The following PPP1R36 variants were observed in gnomAD, a reference collection of about 807,000 sequenced individuals.
PPP1R36 encodes the protein protein phosphatase 1 regulatory subunit 36, also known as chromosome 14 open reading frame 50.
Under a neutral mutation model 53.4 loss-of-function variants are expected in PPP1R36, and 47 were observed. That is an observed-to-expected ratio of 0.88 (90% CI 0.70 to 1.12). PPP1R36 has a LOEUF of 1.12. PPP1R36 is among the 50% of genes most tolerant of loss of function. The pLI is 0.00. For synonymous variants in PPP1R36, 153 were observed against 170.5 expected (o/e 0.90, Z 0.80); for missense variants, 456 against 513.9 (o/e 0.89, Z 1.09).
At chr14:64,557,736 G>A (rs1044896381) in intron 3 of PPP1R36, among the ~76,000 whole-genome samples, 1 of 152,222 alleles carries the variant, frequency 6.6e-6, no homozygotes, top group African/African-American at 2.4e-5. Context: ...AATGGGCTGG[G>A]GGCAGTGGCT....
At chr14:64,579,215 C>G (rs2080367167) in intron 8 of PPP1R36, among the ~76,000 whole-genome samples, 1 of 152,086 alleles carries the variant, frequency 6.6e-6, no homozygotes, top group Admixed American at 6.5e-5. Flanking sequence ...ACCCCCGTGA[C>G]TCGTGTTTAT....
intron 4 of PPP1R36, 131 bp from the exon 5 acceptor site, chr14:64,565,226 A>T: frequency 1.6e-6 from 1 of 631,482 alleles, no homozygotes; most frequent in South Asian, 2.2e-5. Context: ...ATGATCGTAC[A>T]TCAAACAAAA....
At chr14:64,577,076 A>G (rs1449681166) in intron 8 of PPP1R36, among the ~76,000 whole-genome samples, 2 of 152,216 alleles carry the variant, frequency 1.3e-5, no homozygotes, top group African/African-American at 4.8e-5. Flanking sequence ...TAAGATCAGT[A>G]TACCAGCATG....
intron 3 of PPP1R36, among the ~76,000 whole-genome samples, chr14:64,553,968 G>A: frequency 6.6e-6 from 1 of 151,910 alleles, no homozygotes. Flanking sequence ...GCTGCTCTGT[G>A]TTTAAGTAAC....
Position 64,556,215 on chromosome 14 carries a change from C to T in PPP1R36, c.182+3354C>T, listed in dbSNP as rs1046588277. Among the ~76,000 whole-genome samples the T allele has an allele frequency of 2.0e-5, 3 of 148,836 alleles. No individual in the cohort carries two copies. The East Asian group carries it at 6.0e-4, about 30-fold the overall frequency. The stretch of plus-strand genomic sequence containing the variant: ...CTGCCTCCCAGGCTCAAGCAATTCT[C>T]CCTTAGCCTCCCAAGTAGCTGGGAC... On this transcript the variant is annotated intron_variant, in intron 3 of 11. Coordinates refer to ENST00000298705, the MANE Select transcript of PPP1R36 (RefSeq NM_172365.3).
intron 3 of PPP1R36, among the ~76,000 whole-genome samples, chr14:64,555,726 C>T (rs549731866): frequency 6.6e-6 from 1 of 152,090 alleles, no homozygotes; most frequent in African/African-American, 2.4e-5. Flanking sequence ...AAGACCCCGT[C>T]TCTTAAAAAA....
At chr14:64,551,602 G>A (rs1299145640) in intron 2 of PPP1R36, 1 of 456,242 alleles carries the variant, frequency 2.2e-6, no homozygotes, top group Non-Finnish European at 4.4e-6. Flanking sequence ...AAACAACTGT[G>A]GAAAGTGAAC....
intron 7 of PPP1R36, among the ~76,000 whole-genome samples, chr14:64,569,849 C>G (rs1346586160): frequency 6.6e-6 from 1 of 151,666 alleles, no homozygotes; most frequent in Non-Finnish European, 1.5e-5. Flanking sequence ...AGTGATTTTC[C>G]CACCTCAGCC....
Position 64,587,353 on chromosome 14 carries a change from A to T in PPP1R36, c.871A>T (p.Met291Leu), listed in dbSNP as rs1379294953. Residue 291 changes from methionine to leucine, a missense_variant, in exon 10 of 12, where the codon ATG becomes TTG. By Grantham distance (15) the Met-to-Leu change is conservative. Transcript: ENST00000298705. ...GGAATCAGGAGGGGAAAAGAAACGC[A>T]TGACTTTTGTTCAGTTCAGGTATGA... ...DEESGGEKKR[M>L]TFVQFRRMMA... 1 of 1,612,274 alleles carries T rather than the reference A, an allele frequency of 6.2e-7. No individual in the cohort carries two copies. Among genetic ancestry groups the T allele is most frequent in the Non-Finnish European group, 8.5e-7 (1 of 1,179,362 alleles).
chr14:64,584,479 G>A (rs1046596092), intron 8 of PPP1R36, among the ~76,000 whole-genome samples: 1 of 152,178 alleles, frequency 6.6e-6, no homozygotes, highest in Non-Finnish European at 1.5e-5. Flanking sequence ...AGCTTTGAAA[G>A]GGTGGAAATT....
At chr14:64,584,775 T>C (rs1193023416) in intron 8 of PPP1R36, among the ~76,000 whole-genome samples, 1 of 152,188 alleles carries the variant, frequency 6.6e-6, no homozygotes, top group Non-Finnish European at 1.5e-5. Context: ...TAATGTTGAC[T>C]ATACCATAGG....
chr14:64,579,127 G>T (rs759640198), intron 8 of PPP1R36, among the ~76,000 whole-genome samples: 6 of 152,198 alleles, frequency 3.9e-5, no homozygotes, highest in Non-Finnish European at 7.3e-5. Context: ...GGAATGGTAG[G>T]AGGAGGGAGA....
intron 9 of PPP1R36, 69 bp downstream of exon 9, chr14:64,586,948 C>T: frequency 7.9e-7 from 1 of 1,260,120 alleles, no homozygotes; most frequent in Non-Finnish European, 1.2e-6. Context: ...GGCCATTTGT[C>T]AGGCACTTAT....
chr14:64,562,497 G>T (rs2080213090), intron 3 of PPP1R36, among the ~76,000 whole-genome samples: 1 of 152,036 alleles, frequency 6.6e-6, no homozygotes. Context: ...GCTTGTTGGT[G>T]ATTCCAAATG....
intron 3 of PPP1R36, 107 bp downstream of exon 3, chr14:64,552,968 AGTGCCAATTTTTT>A: frequency 1.9e-6 from 2 of 1,080,096 alleles, no homozygotes; most frequent in Non-Finnish European, 2.7e-6. Context: ...ATAAATATTA[AGTGCCAATTTTTT>A]TTTTTTTGAG....
chr14:64,560,669 G>A (rs2140223975), intron 3 of PPP1R36, among the ~76,000 whole-genome samples: 1 of 152,278 alleles, frequency 6.6e-6, no homozygotes, highest in South Asian at 2.1e-4. Context: ...AATCAAGGAA[G>A]ACACCATTTT....
chr14:64,577,835 C>T (rs1596742888), intron 8 of PPP1R36, among the ~76,000 whole-genome samples: 1 of 144,340 alleles, frequency 6.9e-6, no homozygotes, highest in Non-Finnish European at 1.5e-5. Context: ...ACGCTGTTCT[C>T]CTGCCTCAGC....
Position 64,574,440 on chromosome 14 carries a change from T to G in PPP1R36, c.534-15T>G. 1 of 1,591,954 alleles carries G rather than the reference T, an allele frequency of 6.3e-7. No individual in the cohort carries two copies. Among genetic ancestry groups the G allele is most frequent in the Admixed American group, 1.9e-5 (1 of 52,920 alleles). On this transcript the variant is annotated splice_polypyrimidine_tract_variant and intron_variant, in intron 7 of 11. Coordinates refer to ENST00000298705, the MANE Select transcript of PPP1R36 (RefSeq NM_172365.3). ...CAATTAACCCAAATTCTCTTTTTTT[T>G]GTCCTCCCCATCAGAGGCCTTGTAG...
chr14:64,578,623 G>C (rs1326341403), intron 8 of PPP1R36, among the ~76,000 whole-genome samples: 1 of 152,192 alleles, frequency 6.6e-6, no homozygotes, highest in African/African-American at 2.4e-5. Context: ...TGCTGGCTAG[G>C]TTGCAGAGAA....
Sources: gnomAD v4.1 joint callset for allele counts (sites outside exome capture counted in the v4.1 genomes callset) on GRCh38, gnomAD v4.1.1 for gene constraint, MANE v1.5 for transcripts, NCBI Gene and HGNC (gene_info 2026-07-23, HGNC 2026-07-21) for gene names.